The following FER1L6 variants were observed in gnomAD, a reference collection of about 807,000 sequenced individuals.
FER1L6 encodes the protein fer-1-like protein 6.
In FER1L6, 177 loss-of-function variants were observed where a neutral mutation model predicts 219.2. The ratio of observed to expected loss-of-function variants is 0.81; its 90% CI spans 0.71 to 0.91. FER1L6 has a LOEUF of 0.91. FER1L6 is among the 40% of genes least tolerant of loss of function. FER1L6 has a pLI of 0.00. For missense variants in FER1L6, 2,153 were observed against 2,259.9 expected (o/e 0.95, Z 0.96); for synonymous variants, 768 against 824.3 (o/e 0.93, Z 1.17).
At chr8:123,962,016 A>C (rs942572238) in intron 2 of FER1L6, among the ~76,000 whole-genome samples, 4 of 151,396 alleles carry the variant, frequency 2.6e-5, no homozygotes, top group African/African-American at 9.7e-5. Context: ...CAGCCTCCCG[A>C]GCAGCTGGGA....
At chr8:124,039,857 GC>G (rs772321383) in intron 19 of FER1L6, 24 bp from the exon 20 acceptor site, 2 of 1,613,890 alleles carry the variant, frequency 1.2e-6, no homozygotes, top group South Asian at 2.2e-5. Context: ...ACTAACACCT[GC>G]CCCCTTCCAT....
chr8:123,992,264 A>T (rs1025722580), intron 12 of FER1L6, among the ~76,000 whole-genome samples: 5 of 152,192 alleles, frequency 3.3e-5, no homozygotes, highest in African/African-American at 1.2e-4. Flanking sequence ...GAATAGTTTC[A>T]GTAGAATTGG....
intron 34 of FER1L6, among the ~76,000 whole-genome samples, chr8:124,093,849 G>A (rs554330833): frequency 6.6e-6 from 1 of 151,550 alleles, no homozygotes; most frequent in Non-Finnish European, 1.5e-5. Context: ...ATATTTATGG[G>A]ATAAATAAAA....
chr8:124,046,023 C>A, intron 21 of FER1L6, 122 bp downstream of exon 21: 1 of 1,150,606 alleles, frequency 8.7e-7, no homozygotes, highest in Non-Finnish European at 1.2e-6. Context: ...ACTAGATGTA[C>A]CTAGAGGCAA....
At chr8:123,960,821 C>CT (rs1261200945) in intron 2 of FER1L6, among the ~76,000 whole-genome samples, 2 of 152,064 alleles carry the variant, frequency 1.3e-5, no homozygotes, top group African/African-American at 4.8e-5. Flanking sequence ...CAGCAAAGAC[C>CT]TTTTTTCTAA....
chr8:124,113,249 C>T (rs561129598), intron 39 of FER1L6, among the ~76,000 whole-genome samples: 3 of 152,102 alleles, frequency 2.0e-5, no homozygotes, highest in East Asian at 3.9e-4. Context: ...GCCATAGATC[C>T]ACCACCAAGA....
At chr8:124,060,818 A>G (rs1820534327) in intron 24 of FER1L6, 109 bp downstream of exon 24, 4 of 1,252,664 alleles carry the variant, frequency 3.2e-6, no homozygotes, top group Non-Finnish European at 4.4e-6. Context: ...AATTTAGTGA[A>G]AAGCCAGAAT....
chr8:124,013,402 A>G (rs750929534), intron 14 of FER1L6, 29 bp from the exon 15 acceptor site: 3 of 1,411,812 alleles, frequency 2.1e-6, no homozygotes, highest in South Asian at 1.3e-5. Context: ...CCACCGCCTC[A>G]TCTCTCCACC....
Position 124,037,719 on chromosome 8 carries a change from G to A in FER1L6, c.2465-2163G>A, listed in dbSNP as rs545573212. 7.2e-5 allele frequency among the ~76,000 whole-genome samples: 11 copies of A among 152,228 alleles called. No individual in the cohort carries two copies. In the South Asian group the frequency reaches 2.3e-3, roughly 32 times the overall value. On this transcript the variant is annotated intron_variant, in intron 19 of 40. Coordinates refer to ENST00000522917, the MANE Select transcript of FER1L6 (RefSeq NM_001039112.2). ...GCCAGACAGTGGCATGGGGTGGAGG[G>A]TAGAGGGACAGAAACGTGTGTGAGC...
intron 39 of FER1L6, among the ~76,000 whole-genome samples, chr8:124,107,000 G>A (rs1822806962): frequency 6.8e-6 from 1 of 147,166 alleles, no homozygotes; most frequent in Admixed American, 6.9e-5. Flanking sequence ...CCAGGCTGGA[G>A]TGCAGTGGTG....
chr8:123,975,168 A>G lies in FER1L6; in HGVS notation c.545A>G (p.Lys182Arg). Residue 182 changes from lysine (K) to arginine (R), a missense_variant, in exon 8 of 41, where the codon AAG becomes AGG. Physicochemically the swap from Lys to Arg is conservative, Grantham distance 26. Coordinates refer to ENST00000522917, the MANE Select transcript of FER1L6 (RefSeq NM_001039112.2). ...TTCACAGGTCATCAGTTCTGCAACA[A>G]GTGGGCCCTGCTCACAGACCCTGGT... Reference protein sequence around the residue: ...YNQPGHQFCNKWALLTDPGDI... With the variant: ...YNQPGHQFCNRWALLTDPGDI... 1 of 1,607,166 alleles carries G rather than the reference A, an allele frequency of 6.2e-7. No individual in the cohort carries two copies. Among genetic ancestry groups the G allele is most frequent in the Non-Finnish European group, 8.5e-7 (1 of 1,177,140 alleles).
chr8:123,857,088 G>A (rs373027960), intron 1 of FER1L6, among the ~76,000 whole-genome samples: 77 of 152,308 alleles, frequency 5.1e-4, no homozygotes, highest in African/African-American at 1.8e-3. Context: ...TCCAACCACT[G>A]CCATCTCTTA....
rs1816575675 is a variant in FER1L6 at position 123,853,880 on chromosome 8, C to T, written c.-8+1695C>T. ...GGGACTCTGCAGAGCTGCCAGTCTCCTGCAACTCCACAGAGCCTGGACAGG... is the reference window on the plus strand; with the variant it reads ...GGGACTCTGCAGAGCTGCCAGTCTCTTGCAACTCCACAGAGCCTGGACAGG... On this transcript the variant is annotated intron_variant, in intron 1 of 40. Coordinates refer to ENST00000522917, the MANE Select transcript of FER1L6 (RefSeq NM_001039112.2). This position sits in a 1 kb window ranked among gnomAD's most constrained non-coding sequence, Gnocchi z 6.6. Among the ~76,000 whole-genome samples, 1 of 152,194 alleles carries T rather than the reference C, an allele frequency of 6.6e-6. No homozygotes were observed. The highest frequency in any genetic ancestry group is 1.5e-5 in the Non-Finnish European group (1 of 68,052).
At chr8:124,102,400 C>T (rs1295416313) in intron 38 of FER1L6, among the ~76,000 whole-genome samples, 1 of 151,998 alleles carries the variant, frequency 6.6e-6, no homozygotes. Context: ...CTGTAAACTA[C>T]GTTTATATGT....
intron 1 of FER1L6, among the ~76,000 whole-genome samples, chr8:123,951,768 C>T (rs575851218): frequency 1.8e-4 from 28 of 152,264 alleles, no homozygotes; most frequent in African/African-American, 5.1e-4. Flanking sequence ...AGCTAAAGTC[C>T]GCCCCCTGCC....
intron 11 of FER1L6, chr8:123,985,318 T>C (rs1305941691): frequency 1.3e-5 from 2 of 152,232 alleles, no homozygotes; most frequent in Admixed American, 6.5e-5. Flanking sequence ...TGTGTACCCT[T>C]CACAGCAGCA....
At chr8:123,883,866 C>T (rs114842165) in intron 1 of FER1L6, among the ~76,000 whole-genome samples, 1 of 152,226 alleles carries the variant, frequency 6.6e-6, no homozygotes, top group South Asian at 2.1e-4. Context: ...CTCATGACTT[C>T]ATCGCCTTTT....
At chr8:123,901,074 T>C (rs948002896) in intron 1 of FER1L6, among the ~76,000 whole-genome samples, 3 of 152,182 alleles carry the variant, frequency 2.0e-5, no homozygotes, top group Non-Finnish European at 4.4e-5. Flanking sequence ...GTCAAAAGGG[T>C]TAGAACCAAT....
chr8:123,898,823 G>GTATA (rs753954470), intron 1 of FER1L6, among the ~76,000 whole-genome samples: 1 of 108,182 alleles, frequency 9.2e-6, no homozygotes, highest in Non-Finnish European at 2.0e-5. Flanking sequence ...ATACATATGT[G>GTATA]TATATATATA....
Sources: gnomAD v4.1 joint callset for allele counts (sites outside exome capture counted in the v4.1 genomes callset) on GRCh38, gnomAD v4.1.1 for gene constraint, Gnocchi (gnomAD v3.1) non-coding constraint, MANE v1.5 for transcripts, NCBI Gene and HGNC (gene_info 2026-07-23, HGNC 2026-07-21) for gene names.